Variants in GPR19 observed in about 807,000 individuals in gnomAD.
GPR19 encodes G protein-coupled receptor 19.
In GPR19, 14 loss-of-function variants were observed where a neutral mutation model predicts 28.5. That is an observed-to-expected ratio of 0.49 (90% CI 0.32 to 0.77). The LOEUF is 0.77. Ranked by LOEUF, GPR19 falls within the 30% of genes least tolerant of loss-of-function variation. The pLI, the probability that GPR19 is intolerant of heterozygous loss-of-function variation, is 0.03. For missense variants in GPR19, 409 were observed against 504.1 expected (o/e 0.81, Z 1.81); for synonymous variants, 173 against 184.1 (o/e 0.94, Z 0.49).
intron 3 of GPR19, among the ~76,000 whole-genome samples, chr12:12,667,027 C>T (rs918987336): frequency 6.6e-6 from 1 of 152,094 alleles, no homozygotes; most frequent in African/African-American, 2.4e-5. Flanking sequence ...TCTAGGGTCC[C>T]AAAGTAAAGT....
At chr12:12,711,026 C>T in the GPR19 span, among the ~76,000 whole-genome samples, 4 of 152,034 alleles carry the variant, frequency 2.6e-5, no homozygotes, top group South Asian at 2.1e-4. Flanking sequence ...AAAAGTGGGC[C>T]GGTGTGGTAG....
chr12:12,714,193 A>T, the GPR19 span, among the ~76,000 whole-genome samples: 15 of 152,344 alleles, frequency 9.8e-5, no homozygotes, highest in African/African-American at 3.4e-4. Flanking sequence ...GAAGGAGATG[A>T]CTGTGAAATT....
Position 12,661,375 on chromosome 12 carries a change from AT to A in GPR19, c.1073del (p.Tyr358LeufsTer71). On this transcript the variant is annotated frameshift_variant, in exon 4 of 4. Coordinates refer to ENST00000651487, the MANE Select transcript of GPR19 (RefSeq NM_006143.3). LOFTEE classifies it high-confidence loss of function. This position sits in a 1 kb window ranked among gnomAD's most constrained non-coding sequence, Gnocchi z 4.2. ...SSMKCYRSNA[Y>X]TITTSSRMAK... ...CCATCCTTGAACTTGTTGTGATAGTATAGGCATTGCTTCGGTAACATTTCAT... is the reference window on the plus strand; with the variant it reads ...CCATCCTTGAACTTGTTGTGATAGTAAGGCATTGCTTCGGTAACATTTCAT... 1 of 1,613,942 alleles carries A rather than the reference AT, an allele frequency of 6.2e-7. No individual in the cohort carries two copies. Among genetic ancestry groups the A allele is most frequent in the Non-Finnish European group, 8.5e-7 (1 of 1,179,814 alleles).
intron 3 of GPR19, among the ~76,000 whole-genome samples, chr12:12,665,657 T>C (rs1395846278): frequency 6.6e-6 from 1 of 151,414 alleles, no homozygotes; most frequent in African/African-American, 2.4e-5. Context: ...GCTAACACAG[T>C]GAAACTCCGT....
At chr12:12,697,052 AG>A (rs1565413472), upstream of GPR19, among the ~76,000 whole-genome samples, 5 of 152,034 alleles carry the variant, frequency 3.3e-5, no homozygotes, top group Admixed American at 2.6e-4. Flanking sequence ...ATGTAGGCCT[AG>A]TTATGGTAAA....
chr12:12,709,617 T>G, the GPR19 span, among the ~76,000 whole-genome samples: 1 of 152,122 alleles, frequency 6.6e-6, no homozygotes, highest in Admixed American at 6.6e-5. Context: ...CTTTTTAAAT[T>G]TTTTGTAGAG....
intron 3 of GPR19, among the ~76,000 whole-genome samples, chr12:12,663,387 A>C (rs1945710762): frequency 6.6e-6 from 1 of 151,242 alleles, no homozygotes; most frequent in African/African-American, 2.4e-5. Context: ...GTTGGTCCAG[A>C]AGTTTGAATC....
intron 3 of GPR19, among the ~76,000 whole-genome samples, chr12:12,683,195 G>GCACAAGGGAAACAGCACAAGGGA (rs1946047679): frequency 6.6e-6 from 1 of 152,118 alleles, no homozygotes; most frequent in South Asian, 2.1e-4. Flanking sequence ...TTACTACAGA[G>GCACAAGGGAAACAGCACAAGGGA]ATCTATACAG....
the GPR19 span, among the ~76,000 whole-genome samples, chr12:12,714,897 A>C: frequency 7.2e-5 from 11 of 152,332 alleles, no homozygotes; most frequent in Non-Finnish European, 1.2e-4. Flanking sequence ...AGGTCGATGT[A>C]AGCACAGCCT....
chr12:12,673,461 G>T (rs780301727), intron 3 of GPR19, among the ~76,000 whole-genome samples: 11 of 152,166 alleles, frequency 7.2e-5, no homozygotes, highest in Non-Finnish European at 1.3e-4. Context: ...CTCACCTCCA[G>T]ACTTACTAAG....
chr12:12,703,871 A>AT, the GPR19 span, among the ~76,000 whole-genome samples: 1 of 152,196 alleles, frequency 6.6e-6, no homozygotes, highest in African/African-American at 2.4e-5. Context: ...CTTGCCAATC[A>AT]TATCTACTGG....
intron 3 of GPR19, among the ~76,000 whole-genome samples, chr12:12,678,073 CAAAAAAAAAAAAA>C (rs56014911): frequency 2.4e-4 from 11 of 46,136 alleles, no homozygotes; most frequent in African/African-American, 6.6e-4. Context: ...GACTCTGTCT[CAAAAAAAAAAAAA>C]AAAAAAAAAA....
chr12:12,702,056 G>T, the GPR19 span, among the ~76,000 whole-genome samples: 3 of 151,598 alleles, frequency 2.0e-5, no homozygotes, highest in Non-Finnish European at 4.4e-5. Context: ...GTTATTGTCT[G>T]ATTTTTATAT....
At position 12,662,086 on chromosome 12, in the gene GPR19, G is replaced by A. The variant is rs867433626; in HGVS notation, c.363C>T (p.Phe121=). 13 of 1,614,070 alleles carry A rather than the reference G, an allele frequency of 8.1e-6. No homozygotes were observed. The highest frequency in any genetic ancestry group is 3.3e-4 in the Middle Eastern group (2 of 6,084). ...DLLISVASTP[F]VLLQFTTGRW... ...TTCCAGTGGTGAACTGGAGCAGGAC[G>A]AAAGGCGTGCTGGCAACGCTGATGA... is the stretch of plus-strand genomic sequence containing the variant. Residue 121 remains phenylalanine, a synonymous_variant, in exon 4 of 4, where the codon TTC becomes TTT. Transcript: ENST00000651487.
At chr12:12,677,812 G>A (rs1264820545) in intron 3 of GPR19, among the ~76,000 whole-genome samples, 4 of 151,408 alleles carry the variant, frequency 2.6e-5, no homozygotes, top group African/African-American at 4.8e-5. Context: ...GGTGGCTCAC[G>A]CCTGTAATCC....
the GPR19 span, chr12:12,715,241 G>C: frequency 6.6e-6 from 1 of 152,186 alleles, no homozygotes; most frequent in Non-Finnish European, 1.5e-5. Flanking sequence ...CTAATTTCTA[G>C]GGTAAGGTAT....
chr12:12,714,369 T>C, the GPR19 span, among the ~76,000 whole-genome samples: 1 of 152,164 alleles, frequency 6.6e-6, no homozygotes, highest in African/African-American at 2.4e-5. Flanking sequence ...AGAACTTGGG[T>C]GAGAGCGCTG....
rs771726052 is a variant in GPR19 at position 12,661,566 on chromosome 12, C to A, written c.883G>T (p.Ala295Ser). The A allele has an allele frequency of 5.0e-6, 8 of 1,614,018 alleles. No individual in the cohort carries two copies. In the Admixed American group the frequency reaches 1.3e-4, roughly 27 times the overall value. ...FLLSWLPFHV[A>S]QLWHPHEQDY... ...TGTTCATGGGGGTGCCATAGCTGAGCTACATGAAAAGGCAGCCAGGAGAGC... is the reference window on the plus strand; with the variant it reads ...TGTTCATGGGGGTGCCATAGCTGAGATACATGAAAAGGCAGCCAGGAGAGC... Residue 295 changes from alanine (A) to serine (S), a missense_variant, in exon 4 of 4, where the codon GCT becomes TCT. Physicochemically the swap from Ala to Ser is moderately conservative, Grantham distance 99 (BLOSUM62 1). Transcript: ENST00000651487. This position sits in a 1 kb window ranked among gnomAD's most constrained non-coding sequence, Gnocchi z 4.2.
At chr12:12,717,176 C>CA in the GPR19 span, 1 of 1,042,980 alleles carries the variant, frequency 9.6e-7, no homozygotes, top group East Asian at 5.7e-5. Context: ...AGTACCCCTC[C>CA]AGCAGTCACG....
Sources: allele counts gnomAD v4.1 joint callset (sites outside exome capture counted in the v4.1 genomes callset), GRCh38; gene constraint gnomAD v4.1.1; non-coding constraint Gnocchi (gnomAD v3.1); transcripts MANE v1.5; gene names NCBI Gene and HGNC (gene_info 2026-07-23, HGNC 2026-07-21).